Variants in STARD13 observed in about 807,000 individuals in gnomAD.
STARD13 encodes the protein StAR related lipid transfer domain containing 13.
In STARD13, 62 loss-of-function variants were observed where a neutral mutation model predicts 106.4. The ratio of observed to expected loss-of-function variants is 0.58; its 90% CI spans 0.48 to 0.72. The LOEUF (loss-of-function observed/expected upper bound fraction) is 0.72. Ranked by LOEUF, STARD13 falls within the 30% of genes least tolerant of loss-of-function variation. The probability of loss-of-function intolerance (pLI) is 0.00; values close to 1 mark genes in which losing one functional copy is unlikely to be tolerated. For synonymous variants in STARD13, 565 were observed against 553.0 expected, an observed-to-expected ratio of 1.02 and a Z score of -0.31; for missense variants, 1,387 against 1,424.0, an observed-to-expected ratio of 0.97 and a Z score of 0.42.
chr13:33,175,905 T>A (rs1013337964), intron 1 of STARD13, among the ~76,000 whole-genome samples: 8 of 152,236 alleles, frequency 5.3e-5, no homozygotes, highest in African/African-American at 1.9e-4. Context: ...TTTGCTCAAC[T>A]CTTTTTTAGC....
chr13:33,662,305 C>A, the STARD13 span, among the ~76,000 whole-genome samples: 23,031 of 151,668 alleles, frequency 0.15, 2,909 homozygotes, highest in African/African-American at 0.32. Context: ...AACCACCAAA[C>A]TATCTGTCTG....
At chr13:33,368,031 C>T in the STARD13 span, among the ~76,000 whole-genome samples, 1 of 151,828 alleles carries the variant, frequency 6.6e-6, no homozygotes, top group East Asian at 1.9e-4. Flanking sequence ...TTGGGGTTTC[C>T]TTCCTCTTTC....
the STARD13 span, among the ~76,000 whole-genome samples, chr13:33,635,212 ACAG>A: frequency 6.6e-6 from 1 of 152,232 alleles, no homozygotes; most frequent in Non-Finnish European, 1.5e-5. Context: ...GTACAAAAGA[ACAG>A]CACAGCAGAG....
chr13:33,524,096 A>G, the STARD13 span: 28 of 251,038 alleles, frequency 1.1e-4, no homozygotes, highest in East Asian at 3.8e-3. Flanking sequence ...ACACTAGTTA[A>G]TGCTAATGTT....
At chr13:33,519,208 T>TTTTCTTTCTTTCTTTCTTTC in the STARD13 span, among the ~76,000 whole-genome samples, 7 of 101,530 alleles carry the variant, frequency 6.9e-5, no homozygotes, top group South Asian at 3.3e-4. Context: ...CTTGGTAATT[T>TTTTCTTTCTTTCTTTCTTTC]TTTCTTTCTT....
chr13:33,109,685 G>A (rs1042662611), intron 12 of STARD13, among the ~76,000 whole-genome samples, 188 bp downstream of exon 12: 16 of 152,226 alleles, frequency 1.1e-4, no homozygotes, highest in African/African-American at 3.6e-4. Context: ...GCTGTAGGCT[G>A]GGTGAAAAGA....
At chr13:33,533,373 G>A in the STARD13 span, among the ~76,000 whole-genome samples, 2 of 152,196 alleles carry the variant, frequency 1.3e-5, no homozygotes, top group Non-Finnish European at 2.9e-5. Context: ...ATGAAGCTAT[G>A]TGATTATAAA....
At position 33,103,736 on chromosome 13, in the gene STARD13, A is replaced by G. The variant is rs1873361531; in HGVS notation, c.*1857T>C. On this transcript the variant is annotated 3_prime_UTR_variant, in exon 14 of 14. Coordinates refer to ENST00000336934, the MANE Select transcript of STARD13 (RefSeq NM_178006.4). ...TGTGCCTATCACGTTTTCCAAACAC[A>G]TAGGATCCCATCTCAGGAGCAGGAC... 1 of 152,430 alleles carries G rather than the reference A, an allele frequency of 6.6e-6. No homozygotes were observed. Among genetic ancestry groups the G allele is most frequent in the Non-Finnish European group, 1.5e-5 (1 of 68,036 alleles). 9.4% of individuals were successfully genotyped at this position (152,430 alleles called of 1,614,324 possible). A position where few individuals can be genotyped will look rare whatever the true frequency, so the allele number is the denominator to read the frequency against.
intron 1 of STARD13, among the ~76,000 whole-genome samples, chr13:33,242,427 A>G (rs1889573618): frequency 6.6e-6 from 1 of 152,180 alleles, no homozygotes; most frequent in African/African-American, 2.4e-5. Context: ...CTGCCTTGGG[A>G]TGCTGTTAAT....
intron 1 of STARD13, among the ~76,000 whole-genome samples, chr13:33,204,932 G>A (rs1301287497): frequency 6.6e-6 from 1 of 152,218 alleles, no homozygotes; most frequent in Non-Finnish European, 1.5e-5. Context: ...TGCAAAATAA[G>A]TCCCTTTCCG....
chr13:33,451,672 G>A, the STARD13 span, among the ~76,000 whole-genome samples: 1 of 152,214 alleles, frequency 6.6e-6, no homozygotes, highest in Admixed American at 6.5e-5. Flanking sequence ...TATCAATGAT[G>A]TTTTAGCTGT....
the STARD13 span, among the ~76,000 whole-genome samples, chr13:33,443,034 G>T: frequency 1.3e-5 from 2 of 152,250 alleles, no homozygotes; most frequent in East Asian, 1.9e-4. Flanking sequence ...AGTGGGGTTG[G>T]TTGCATAACA....
chr13:33,559,944 A>G, the STARD13 span, among the ~76,000 whole-genome samples: 1 of 151,598 alleles, frequency 6.6e-6, no homozygotes, highest in Middle Eastern at 3.2e-3. Context: ...AGAGCCCTCA[A>G]CAAGAACTAA....
At chr13:33,120,864 T>C (rs959677247) in intron 7 of STARD13, among the ~76,000 whole-genome samples, 1 of 151,988 alleles carries the variant, frequency 6.6e-6, no homozygotes, top group Admixed American at 6.6e-5. Flanking sequence ...CTCAGCCTAC[T>C]AAGTAGCTGG....
At chr13:33,610,360 C>A in the STARD13 span, among the ~76,000 whole-genome samples, 3 of 152,140 alleles carry the variant, frequency 2.0e-5, no homozygotes, top group Admixed American at 6.5e-5. Context: ...ATCTAAACAT[C>A]TTGGTGATGA....
the STARD13 span, among the ~76,000 whole-genome samples, chr13:33,429,322 C>T: frequency 6.6e-6 from 1 of 152,110 alleles, no homozygotes; most frequent in African/African-American, 2.4e-5. Flanking sequence ...CAGGGCCGGG[C>T]GTGGTGGCTC....
the STARD13 span, among the ~76,000 whole-genome samples, chr13:33,647,842 T>C: frequency 1.9e-4 from 29 of 152,194 alleles, no homozygotes; most frequent in Non-Finnish European, 2.5e-4. Context: ...CCTCAACATT[T>C]ACATTGTTGT....
the STARD13 span, among the ~76,000 whole-genome samples, chr13:33,492,199 A>G: frequency 6.6e-6 from 1 of 152,116 alleles, no homozygotes; most frequent in Admixed American, 6.5e-5. Context: ...GGCCATCTGG[A>G]TGTATATGTG....
chr13:33,245,387 C>G (rs1889772922), intron 1 of STARD13, among the ~76,000 whole-genome samples: 1 of 152,140 alleles, frequency 6.6e-6, no homozygotes, highest in Non-Finnish European at 1.5e-5. Flanking sequence ...GAAAAAATAT[C>G]CTGTGAATGC....
Sources: allele counts gnomAD v4.1 joint callset (sites outside exome capture counted in the v4.1 genomes callset), GRCh38; gene constraint gnomAD v4.1.1; transcripts MANE v1.5; gene names NCBI Gene and HGNC (gene_info 2026-07-23, HGNC 2026-07-21).